HDAC7: variants seen among roughly 807,000 people sequenced by gnomAD.
HDAC7 encodes histone deacetylase 7.
A neutral mutation model predicts 115.5 loss-of-function variants in HDAC7; 26 were observed. That is an observed-to-expected ratio of 0.23 (90% confidence interval 0.16 to 0.31). HDAC7 has a LOEUF of 0.31. Among genes scored for constraint, HDAC7 ranks in the 10% least tolerant of loss-of-function variants. HDAC7 has a pLI of 1.00. For synonymous variants in HDAC7, 564 were observed against 550.9 expected, an observed-to-expected ratio of 1.02 and a Z score of -0.33; for missense variants, 1,068 against 1,329.0, an observed-to-expected ratio of 0.80 and a Z score of 3.05.
chr12:47,792,110 C>T (rs1255767724), intron 13 of HDAC7, 106 bp from the exon 14 acceptor site: 12 of 1,354,678 alleles, frequency 8.9e-6, no homozygotes, highest in South Asian at 2.9e-5. Context: ...CACATGGAGC[C>T]GGGCGGGTAC....
chr12:47,785,191 C>G, intron 24 of HDAC7, 196 bp downstream of exon 24: 1 of 581,086 alleles, frequency 1.7e-6, no homozygotes, highest in Non-Finnish European at 3.0e-6. Context: ...CTGGCTCCAT[C>G]GGGGGGGCTC....
intron 1 of HDAC7, among the ~76,000 whole-genome samples, chr12:47,810,329 G>T (rs1041686681): frequency 6.6e-6 from 1 of 152,212 alleles, no homozygotes; most frequent in African/African-American, 2.4e-5. Context: ...CACACAGATG[G>T]TATGTGGAGC....
In HDAC7 at chr12:47,783,659, C is replaced by T. The variant is rs1239907500; in HGVS notation, c.*182G>A. 4 of 676,916 alleles carry T rather than the reference C, an allele frequency of 5.9e-6. No individual in the cohort carries two copies. The highest frequency in any genetic ancestry group is 1.0e-5 in the Non-Finnish European group (4 of 382,202). 41.9% of individuals were successfully genotyped at this position (676,916 alleles called of 1,614,324 possible). A position where few individuals can be genotyped will look rare whatever the true frequency, so the allele number is the denominator to read the frequency against. On this transcript the variant is annotated 3_prime_UTR_variant, in exon 26 of 26. Coordinates refer to ENST00000080059, the MANE Select transcript of HDAC7 (RefSeq NM_015401.5). ...TCCTCTCAGGGTCCTCTCCAGTTCC[C>T]ATTCTAGACCCAGGGATTTTCTCAC...
In HDAC7 at chr12:47,791,934, G is replaced by A. The variant is rs147415775; in HGVS notation, c.1749C>T (p.His583=). 3.6e-4 allele frequency: 578 copies of A among 1,610,700 alleles called. No homozygotes were observed. Among genetic ancestry groups the A allele is most frequent in the South Asian group, 1.2e-3 (109 of 90,578 alleles). The change falls in exon 14 of 26, where the codon CAC becomes CAT. Residue 583 remains histidine, a synonymous_variant. Coordinates refer to ENST00000080059, the MANE Select transcript of HDAC7 (RefSeq NM_015401.5). ...ACCAGATGCTCTGGATGCGGCCGGCGTGCTCCGGGTGCCTGCTGTTGTCAC... is the reference window on the plus strand; with the variant it reads ...ACCAGATGCTCTGGATGCGGCCGGCATGCTCCGGGTGCCTGCTGTTGTCAC... ...SCGDNSRHPE[H]AGRIQSIWSR... is the part of the protein sequence containing the mutation.
chr12:47,792,347 C>T, intron 13 of HDAC7: 1 of 390,548 alleles, frequency 2.6e-6, no homozygotes, highest in South Asian at 2.8e-5. Flanking sequence ...CTCAAGTGCT[C>T]AGAGCAAAGC....
chr12:47,797,431 G>A lies in HDAC7; in HGVS notation c.530C>T (p.Pro177Leu). The A allele has an allele frequency of 6.2e-7, 1 of 1,614,176 alleles. No homozygotes were observed. Among genetic ancestry groups the A allele is most frequent in the Non-Finnish European group, 8.5e-7 (1 of 1,180,014 alleles). ...CTCTGGGGGGTCACTGGGCAGGCTG[G>A]GAACAGGAGGCAAAAAGCTGCTGAG... The part of the protein sequence containing the change: ...SMLSSFLPPV[P>L]SLPSDPPEHF... The change falls in exon 6 of 26, where the codon CCC (proline) becomes CTC (leucine). Residue 177 changes from proline to leucine, a missense_variant. Coordinates refer to ENST00000080059, the MANE Select transcript of HDAC7 (RefSeq NM_015401.5). The surrounding 1 kb of genome is among the most constrained non-coding windows in gnomAD (Gnocchi z 5.5).
At chr12:47,784,947 A>C (rs1943084508) in intron 24 of HDAC7, 1 of 619,300 alleles carries the variant, frequency 1.6e-6, no homozygotes, top group Non-Finnish European at 2.8e-6. Flanking sequence ...ATAGATGTTG[A>C]GTTGAAGTTG....
chr12:47,818,288 C>A (rs908099879), intron 1 of HDAC7, among the ~76,000 whole-genome samples: 12 of 152,198 alleles, frequency 7.9e-5, no homozygotes, highest in African/African-American at 2.9e-4. Flanking sequence ...CCTGGCCCTG[C>A]TGGGCAAGGA....
At chr12:47,784,391 C>A in intron 24 of HDAC7, 174 bp from the exon 25 acceptor site, 1 of 675,474 alleles carries the variant, frequency 1.5e-6, no homozygotes, top group East Asian at 2.7e-5. Context: ...CTCCCACTCC[C>A]GCACAGCCTG....
Position 47,803,887 on chromosome 12 carries a change from C to T in HDAC7, c.20-1613G>A, listed in dbSNP as rs2137018848. Among the ~76,000 whole-genome samples, 1 of 152,294 alleles carries T rather than the reference C, an allele frequency of 6.6e-6. No homozygotes were observed. The highest frequency in any genetic ancestry group is 2.4e-5 in the African/African-American group (1 of 41,554). On this transcript the variant is annotated intron_variant, in intron 1 of 25. Coordinates refer to ENST00000080059, the MANE Select transcript of HDAC7 (RefSeq NM_015401.5). This position sits in a 1 kb window ranked among gnomAD's most constrained non-coding sequence, Gnocchi z 4.0. ...AGTACCTCTTCTTTCTTCTGCAGGA[C>T]CTGGTCCTCCCAGAGGTTTCTGGAC...
At chr12:47,813,806 G>A (rs1944769065) in intron 1 of HDAC7, among the ~76,000 whole-genome samples, 1 of 152,226 alleles carries the variant, frequency 6.6e-6, no homozygotes, top group East Asian at 1.9e-4. Flanking sequence ...GCAGTGTGCA[G>A]GGGGAAAAGC....
chr12:47,784,316 C>A (rs1943033067), intron 24 of HDAC7, 99 bp from the exon 25 acceptor site: 1 of 1,340,888 alleles, frequency 7.5e-7, no homozygotes, highest in Admixed American at 2.6e-5. Flanking sequence ...GGCCCAGGGC[C>A]CCGGAGGAGC....
Position 47,783,674 on chromosome 12 carries a change from G to C in HDAC7, c.*167C>G, listed in dbSNP as rs1188178131. 1.4e-6 allele frequency: 1 copy of C among 729,202 alleles called. No individual in the cohort carries two copies. The highest frequency in any genetic ancestry group is 1.8e-5 in the African/African-American group (1 of 56,800). 45.2% of individuals were successfully genotyped at this position (729,202 alleles called of 1,614,324 possible). The stretch of plus-strand genomic sequence containing the variant: ...CTCCAGTTCCCATTCTAGACCCAGG[G>C]ATTTTCTCACGCTCCCTGGGATAAC... On this transcript the variant is annotated 3_prime_UTR_variant, in exon 26 of 26. Coordinates refer to ENST00000080059, the MANE Select transcript of HDAC7 (RefSeq NM_015401.5).
chr12:47,802,547 G>A, intron 1 of HDAC7: 1 of 1,453,562 alleles, frequency 6.9e-7, no homozygotes, highest in Non-Finnish European at 9.4e-7. Context: ...AACCTAAGGA[G>A]GCCTCAGCTC....
chr12:47,804,963 C>T (rs2544017), intron 1 of HDAC7, among the ~76,000 whole-genome samples: 1,749 of 152,156 alleles, frequency 0.011, 42 homozygotes, highest in African/African-American at 0.04. Flanking sequence ...TGAGCCTTGC[C>T]GACCACCTGC....
At chr12:47,813,257 T>C (rs1296305419) in intron 1 of HDAC7, 10 of 143,126 alleles carry the variant, frequency 7.0e-5, no homozygotes, top group Non-Finnish European at 1.4e-4. Flanking sequence ...TTCTATAACC[T>C]GAACGCGCCT....
At chr12:47,813,727 G>A (rs1255709628) in intron 1 of HDAC7, among the ~76,000 whole-genome samples, 2 of 152,212 alleles carry the variant, frequency 1.3e-5, no homozygotes, top group Non-Finnish European at 2.9e-5. Context: ...GAGCTTGGGC[G>A]GGAAGGCCTG....
At chr12:47,789,186 C>T (rs1417626552) in intron 19 of HDAC7, 75 bp downstream of exon 19, 7 of 1,131,282 alleles carry the variant, frequency 6.2e-6, no homozygotes, top group East Asian at 2.4e-5. Context: ...GACATGAAGC[C>T]GCATCTCTAA....
chr12:47,797,051 G>C lies in HDAC7; in HGVS notation c.669C>G (p.Pro223=). 6.3e-7 allele frequency: 1 copy of C among 1,594,524 alleles called. No homozygotes were observed. Among genetic ancestry groups the C allele is most frequent in the Non-Finnish European group, 8.5e-7 (1 of 1,171,782 alleles). ...TCTCTGCGGGCCGCCGCCGGAGGCT[G>C]GGGGGCGCACTCTCCTTTCGGAGCA... ...NPLLRKESAP[P]SLRRRPAETL... The change falls in exon 7 of 26, where the codon CCC becomes CCG. Residue 223 remains proline (P), a synonymous_variant. Transcript: ENST00000080059. This position sits in a 1 kb window ranked among gnomAD's most constrained non-coding sequence, Gnocchi z 5.5.
Sources: allele counts gnomAD v4.1 joint callset (sites outside exome capture counted in the v4.1 genomes callset), GRCh38; gene constraint gnomAD v4.1.1; non-coding constraint Gnocchi (gnomAD v3.1); transcripts MANE v1.5; gene names NCBI Gene and HGNC (gene_info 2026-07-23, HGNC 2026-07-21).